Variants in BMP10 observed in about 807,000 individuals in gnomAD.
BMP10 encodes the protein bone morphogenetic protein 10.
A neutral mutation model predicts 29.9 loss-of-function variants in BMP10; 9 were observed. The observed-to-expected ratio is 0.30, with a 90% confidence interval of 0.18 to 0.53. The LOEUF (loss-of-function observed/expected upper bound fraction) is 0.53, where lower values mean the gene tolerates loss of function less well. Among genes scored for constraint, BMP10 ranks in the 20% least tolerant of loss-of-function variants. The probability of loss-of-function intolerance (pLI) is 0.96; values close to 1 mark genes in which losing one functional copy is unlikely to be tolerated. For missense variants in BMP10, 474 were observed against 524.3 expected, an observed-to-expected ratio of 0.90 and a Z score of 0.94; for synonymous variants, 202 against 200.2, an observed-to-expected ratio of 1.01 and a Z score of -0.07.
chr2:68,866,556 G>A lies in BMP10; in HGVS notation c.350C>T (p.Pro117Leu), dbSNP rs141935259. The stretch of plus-strand genomic sequence containing the variant: ...TTTTCGGAGCCCATTAAAACTGACC[G>A]GCTGGGAAAACAGATCTGAAAAAAG... ...SFKNEDLFSQ[P>L]VSFNGLRKYP... The change falls in exon 2 of 2, where the codon CCG becomes CTG. Residue 117 changes from proline (P) to leucine (L), a missense_variant. This residue lies in a region of BMP10 where 408 missense variants were observed against 415.3 expected (regional missense o/e 0.98). Transcript: ENST00000295379. 6.8e-5 allele frequency: 110 copies of A among 1,608,858 alleles called. No individual in the cohort carries two copies. The highest frequency in any genetic ancestry group is 4.9e-4 in the African/African-American group (37 of 74,878).
In BMP10 at chr2:68,863,253, G is replaced by A. The variant is rs1216003955; in HGVS notation, c.*2378C>T. The stretch of plus-strand genomic sequence containing the variant: ...ACCATGTAGGAGCGTTTGCAGCATT[G>A]AAATCCACAAATCAGGGCTTTTTCT... On this transcript the variant is annotated 3_prime_UTR_variant, in exon 2 of 2. Transcript: ENST00000295379. Among the ~76,000 whole-genome samples the A allele has an allele frequency of 6.6e-6, 1 of 152,194 alleles. No homozygotes were observed.
rs1682944751 is a variant in BMP10 at position 68,866,025 on chromosome 2, G to T, written c.881C>A (p.Pro294His). 7 of 1,614,030 alleles carry T rather than the reference G, an allele frequency of 4.3e-6. No homozygotes were observed. Among genetic ancestry groups the T allele is most frequent in the Non-Finnish European group, 5.1e-6 (6 of 1,179,970 alleles). ...CATCTGCAACAAAGCCTCTTCCCCA[G>T]GTCCACTGGAAAAGCTATCCAGGCC... ...NLGLDSFSSGPGEEALLQMRS... is the reference protein window; with the variant it reads ...NLGLDSFSSGHGEEALLQMRS... The change falls in exon 2 of 2, where the codon CCT (proline) becomes CAT (histidine). Residue 294 changes from proline to histidine, a missense_variant. By Grantham distance (77) the Pro-to-His change is moderately conservative. This residue lies in a region of BMP10 where 408 missense variants were observed against 415.3 expected (regional missense o/e 0.98). Coordinates refer to ENST00000295379, the MANE Select transcript of BMP10 (RefSeq NM_014482.3).
rs527523121 is a variant in BMP10, at chr2:68,862,773, C to T, written c.*2858G>A. ...GGTGGGAGCTGGGAGAACTCCTCTA[C>T]GGGCTGTGTCTTTTCACTTTCTGAC... is the stretch of plus-strand genomic sequence containing the variant. On this transcript the variant is annotated 3_prime_UTR_variant, in exon 2 of 2. Coordinates refer to ENST00000295379, the MANE Select transcript of BMP10 (RefSeq NM_014482.3). 2.9e-3 allele frequency among the ~76,000 whole-genome samples: 443 copies of T among 152,228 alleles called. 1 individual carries two copies. The highest frequency in any genetic ancestry group is 4.9e-3 in the Non-Finnish European group (333 of 68,008).
chr2:68,866,811 A>G (rs1248796790), intron 1 of BMP10, among the ~76,000 whole-genome samples: 3 of 152,222 alleles, frequency 2.0e-5, no homozygotes, highest in Non-Finnish European at 4.4e-5. Context: ...ATGGGGGTCT[A>G]ATGGATGGCA....
In BMP10 at chr2:68,866,167, T is replaced by C; in HGVS notation, c.739A>G (p.Asn247Asp). Residue 247 changes from asparagine to aspartate, a missense_variant, in exon 2 of 2, where the codon AAT becomes GAT. Transcript: ENST00000295379. ...GRLEIDTSAQ[N>D]KHNPLLIVFS... ...ACGATGAGCAAAGGGTTATGCTTATTCTGGGCACTGGTATCTATTTCTAGC... is the reference window on the plus strand; with the variant it reads ...ACGATGAGCAAAGGGTTATGCTTATCCTGGGCACTGGTATCTATTTCTAGC... The C allele has an allele frequency of 6.2e-7, 1 of 1,614,064 alleles. No individual in the cohort carries two copies. Among genetic ancestry groups the C allele is most frequent in the African/African-American group, 1.3e-5 (1 of 75,008 alleles).
In BMP10 at chr2:68,866,237, G is replaced by A. The variant is rs1480491631; in HGVS notation, c.669C>T (p.His223=). Residue 223 remains histidine (H), a synonymous_variant, in exon 2 of 2, where the codon CAC becomes CAT. Transcript: ENST00000295379. ...CAGCTTCATCGTGTTTGCTCTCAAT[G>A]TGGACCTCCAGCTGGTGGGTGGATG... ...SGSSTHQLEV[H]IESKHDEAED... The A allele has an allele frequency of 3.7e-6, 6 of 1,613,930 alleles. No homozygotes were observed. Among genetic ancestry groups the A allele is most frequent in the African/African-American group, 1.3e-5 (1 of 74,888 alleles).
At chr2:68,868,789 GTATACA>G (rs1048757345) in intron 1 of BMP10, among the ~76,000 whole-genome samples, 4 of 152,140 alleles carry the variant, frequency 2.6e-5, no homozygotes, top group Non-Finnish European at 1.5e-5. Flanking sequence ...GCATTACAAA[GTATACA>G]AGGAAGCTTT....
Position 68,865,479 on chromosome 2 carries a change from G to A in BMP10, c.*152C>T. ...AGATTGAAAGGGACTTAACTGGAGA[G>A]GAAAATATGCATTTCCTACAACAAA... On this transcript the variant is annotated 3_prime_UTR_variant, in exon 2 of 2. Coordinates refer to ENST00000295379, the MANE Select transcript of BMP10 (RefSeq NM_014482.3). This position sits in a 1 kb window ranked among gnomAD's most constrained non-coding sequence, Gnocchi z 4.7. The A allele has an allele frequency of 1.3e-6, 1 of 779,290 alleles. No homozygotes were observed. The highest frequency in any genetic ancestry group is 2.0e-5 in the South Asian group (1 of 49,376). 48.3% of individuals were successfully genotyped at this position (779,290 alleles called of 1,614,324 possible).
At chr2:68,868,942 A>G (rs1473769538) in intron 1 of BMP10, among the ~76,000 whole-genome samples, 1 of 152,194 alleles carries the variant, frequency 6.6e-6, no homozygotes, top group Non-Finnish European at 1.5e-5. Flanking sequence ...TATATGTCAT[A>G]TTTTTATAAG....
At chr2:68,866,870 A>G (rs1488325900) in intron 1 of BMP10, among the ~76,000 whole-genome samples, 1 of 152,236 alleles carries the variant, frequency 6.6e-6, no homozygotes, top group East Asian at 1.9e-4. Flanking sequence ...ACAGAATTAC[A>G]GAACTGGGAG....
chr2:68,868,836 T>C (rs1352028064), intron 1 of BMP10, among the ~76,000 whole-genome samples: 2 of 152,224 alleles, frequency 1.3e-5, no homozygotes, highest in African/African-American at 2.4e-5. Flanking sequence ...ATGATCTTGA[T>C]TGTGGTGATG....
Position 68,871,350 on chromosome 2 carries a change from A to C in BMP10, c.9T>G (p.Ser3=), listed in dbSNP as rs371370176. MG[S]LVLTLCALFC... ...AAAGAGCGCACAGTGTCAGGACCAG[A>C]GAGCCCATGACTCCGCTCGAGCTCC... Residue 3 remains serine, a synonymous_variant, in exon 1 of 2, where the codon TCT becomes TCG. Coordinates refer to ENST00000295379, the MANE Select transcript of BMP10 (RefSeq NM_014482.3). The C allele has an allele frequency of 1.2e-6, 2 of 1,613,614 alleles. No homozygotes were observed.
intron 1 of BMP10, 64 bp from the exon 2 acceptor site, chr2:68,866,635 T>G (rs2103806872): frequency 7.6e-7 from 1 of 1,316,578 alleles, no homozygotes; most frequent in Admixed American, 2.3e-5. Flanking sequence ...AGATGCTTAT[T>G]TATGTAATAA....
Position 68,865,952 on chromosome 2 carries a change from G to A in BMP10, c.954C>T (p.Ala318=), listed in dbSNP as rs751620707. Residue 318 remains alanine, a synonymous_variant, in exon 2 of 2, where the codon GCC becomes GCT. Coordinates refer to ENST00000295379, the MANE Select transcript of BMP10 (RefSeq NM_014482.3). The surrounding 1 kb of genome is among the most constrained non-coding windows in gnomAD (Gnocchi z 4.7). The part of the protein sequence containing the change: ...YDSTARIRRN[A]KGNYCKRTPL... ...GGGTCCTCTTACAGTAGTTTCCTTT[G>A]GCGTTCCTTCTGATTCGGGCAGTGG... The A allele has an allele frequency of 6.2e-7, 1 of 1,613,982 alleles. No individual in the cohort carries two copies. Among genetic ancestry groups the A allele is most frequent in the Non-Finnish European group, 8.5e-7 (1 of 1,179,984 alleles).
Position 68,860,962 on chromosome 2 carries a change from G to T in BMP10, c.*4669C>A, listed in dbSNP as rs1400793083. Among the ~76,000 whole-genome samples, 1 of 152,110 alleles carries T rather than the reference G, an allele frequency of 6.6e-6. No homozygotes were observed. The highest frequency in any genetic ancestry group is 1.5e-5 in the Non-Finnish European group (1 of 68,022). ...ATAGCAATTAGTTTTATTCCATCGG[G>T]ATATGTTATCAAGTAGAAACATGAA... On this transcript the variant is annotated 3_prime_UTR_variant, in exon 2 of 2. Transcript: ENST00000295379.
At position 68,866,374 on chromosome 2, in the gene BMP10, C is replaced by T. The variant is rs751287726; in HGVS notation, c.532G>A (p.Glu178Lys). Reference protein sequence around the residue: ...FEVLESKGDNEGERNMLVLVS... With the variant: ...FEVLESKGDNKGERNMLVLVS... ...AAGACCAGCATGTTTCTTTCTCCCT[C>T]ATTATCCCCTTTGCTCTCCAGCACT... is the stretch of plus-strand genomic sequence containing the variant. The change falls in exon 2 of 2, where the codon GAG becomes AAG. Residue 178 changes from glutamate to lysine, a missense_variant. Transcript: ENST00000295379. 8 of 1,613,884 alleles carry T rather than the reference C, an allele frequency of 5.0e-6. No individual in the cohort carries two copies. Among genetic ancestry groups the T allele is most frequent in the African/African-American group, 2.7e-5 (2 of 74,872 alleles).
At position 68,864,906 on chromosome 2, in the gene BMP10, G is replaced by T. The variant is rs1415976526; in HGVS notation, c.*725C>A. Among the ~76,000 whole-genome samples, 10 of 152,048 alleles carry T rather than the reference G, an allele frequency of 6.6e-5. No individual in the cohort carries two copies. Among genetic ancestry groups the T allele is most frequent in the Non-Finnish European group, 1.5e-4 (10 of 68,028 alleles). On this transcript the variant is annotated 3_prime_UTR_variant, in exon 2 of 2. Coordinates refer to ENST00000295379, the MANE Select transcript of BMP10 (RefSeq NM_014482.3). ...GTACTCATGGCCTTGCTTTCCTATT[G>T]TCTCAGGAACAGATTTCATGCTGGT... is the stretch of plus-strand genomic sequence containing the variant.
chr2:68,865,480 G>T lies in BMP10; in HGVS notation c.*151C>A. The T allele has an allele frequency of 1.3e-6, 1 of 786,256 alleles. No homozygotes were observed. The highest frequency in any genetic ancestry group is 2.0e-6 in the Non-Finnish European group (1 of 507,888). 48.7% of individuals were successfully genotyped at this position (786,256 alleles called of 1,614,324 possible). A position where few individuals can be genotyped will look rare whatever the true frequency, so the allele number is the denominator to read the frequency against. ...GATTGAAAGGGACTTAACTGGAGAG[G>T]AAAATATGCATTTCCTACAACAAAC... On this transcript the variant is annotated 3_prime_UTR_variant, in exon 2 of 2. Transcript: ENST00000295379. This position sits in a 1 kb window ranked among gnomAD's most constrained non-coding sequence, Gnocchi z 4.7.
rs539328522 is a variant in BMP10 at position 68,868,314 on chromosome 2, G to A, written c.335-1743C>T. Among the ~76,000 whole-genome samples, 4 of 152,002 alleles carry A rather than the reference G, an allele frequency of 2.6e-5. No individual in the cohort carries two copies. In the South Asian group the frequency reaches 8.3e-4, roughly 32 times the overall value. On this transcript the variant is annotated intron_variant, in intron 1 of 1. Coordinates refer to ENST00000295379, the MANE Select transcript of BMP10 (RefSeq NM_014482.3). ...ACCTCACCTCCACCTATCCAGCTCT[G>A]ACATCTCCTATAAAAGCCTCCCTTA...
Sources: allele counts gnomAD v4.1 joint callset (sites outside exome capture counted in the v4.1 genomes callset), GRCh38; gene constraint gnomAD v4.1.1; regional missense constraint gnomAD v4.1.1; non-coding constraint Gnocchi (gnomAD v3.1); transcripts MANE v1.5; gene names NCBI Gene and HGNC (gene_info 2026-07-23, HGNC 2026-07-21).